Variants in GCNT4 observed in about 807,000 individuals in gnomAD.
GCNT4 encodes glucosaminyl (N-acetyl) transferase 4, also known as beta-1,3-galactosyl-O-glycosyl-glycoprotein beta-1,6-N-acetylglucosaminyltransferase 4.
Under a neutral mutation model 31.3 loss-of-function variants are expected in GCNT4, and 17 were observed. The ratio of observed to expected loss-of-function variants is 0.54; its 90% CI spans 0.37 to 0.81. GCNT4 has a LOEUF of 0.81. Among genes scored for constraint, GCNT4 ranks in the 40% least tolerant of loss-of-function variants. GCNT4 has a pLI of 0.00. For synonymous variants in GCNT4, 158 were observed against 190.6 expected, an observed-to-expected ratio of 0.83 and a Z score of 1.41; for missense variants, 503 against 525.5, an observed-to-expected ratio of 0.96 and a Z score of 0.42.
rs1266476372 is a variant in GCNT4 at position 75,031,225 on chromosome 5, C to G, written c.-1-1187G>C. On this transcript the variant is annotated intron_variant, in intron 3 of 3. Transcript: ENST00000652361. The stretch of plus-strand genomic sequence containing the variant: ...GAGTAGCTAGAACCACAGGTGTGTG[C>G]CACCATGCCCGGCTAATTTTTTCTT... Among the ~76,000 whole-genome samples, 5 of 152,188 alleles carry G rather than the reference C, an allele frequency of 3.3e-5. No homozygotes were observed. In the East Asian group the frequency reaches 9.7e-4, roughly 29 times the overall value.
downstream of GCNT4, among the ~76,000 whole-genome samples, chr5:75,022,266 C>T (rs1580232578): frequency 2.0e-5 from 3 of 152,252 alleles, no homozygotes; most frequent in South Asian, 4.2e-4. Flanking sequence ...CCTATAGTTA[C>T]AGAAATGCAT....
chr5:75,019,928 A>G, the GCNT4 span, among the ~76,000 whole-genome samples: 237 of 152,358 alleles, frequency 1.6e-3, no homozygotes, highest in Non-Finnish European at 2.6e-3. Flanking sequence ...GGTGAATACA[A>G]AGACACATAT....
At position 75,027,819 on chromosome 5, in the gene GCNT4, G is replaced by A. The variant is rs1742981659; in HGVS notation, c.*857C>T. On this transcript the variant is annotated 3_prime_UTR_variant, in exon 4 of 4. Transcript: ENST00000652361. ...CTAGAATGATAACTTATGAATTGAG[G>A]ACTTAGGCTTAATGTTCTGGTGTGT... The A allele has an allele frequency of 6.8e-6, 1 of 148,016 alleles. No homozygotes were observed. Among genetic ancestry groups the A allele is most frequent in the South Asian group, 2.1e-4 (1 of 4,728 alleles). 9.2% of individuals were successfully genotyped at this position (148,016 alleles called of 1,614,324 possible).
intron 1 of GCNT4, 24 bp downstream of exon 1, chr5:75,052,405 A>G (rs1317986898): frequency 6.6e-6 from 1 of 152,192 alleles, no homozygotes; most frequent in Non-Finnish European, 1.5e-5. Context: ...TTAAATTTAC[A>G]AAACACCCAC....
intron 2 of GCNT4, among the ~76,000 whole-genome samples, chr5:75,049,776 G>T (rs569528587): frequency 2.6e-5 from 4 of 152,294 alleles, no homozygotes; most frequent in African/African-American, 9.6e-5. Context: ...TAAGTAGAAG[G>T]TGCCTTGCCT....
chr5:75,020,266 T>C, the GCNT4 span, among the ~76,000 whole-genome samples: 21 of 152,196 alleles, frequency 1.4e-4, no homozygotes, highest in African/African-American at 1.9e-4. Context: ...GGGCTCAGTT[T>C]GGCATGGCAC....
Position 75,027,402 on chromosome 5 carries a change from T to A in GCNT4, c.*1274A>T, listed in dbSNP as rs9918155. 4.3e-4 allele frequency: 62 copies of A among 143,108 alleles called. No individual in the cohort carries two copies. Among genetic ancestry groups the A allele is most frequent in the African/African-American group, 1.6e-3 (61 of 39,298 alleles). 8.9% of individuals were successfully genotyped at this position (143,108 alleles called of 1,614,324 possible). ...TGTAATGGAATTGTTCTATATATAA[T>A]ATATAACATAAATATATATTACATA... On this transcript the variant is annotated 3_prime_UTR_variant, in exon 4 of 4. Transcript: ENST00000652361.
At position 75,029,453 on chromosome 5, in the gene GCNT4, C is replaced by G; in HGVS notation, c.585G>C (p.Val195=). ...NIFIASKLEA[V]EYAHISRLQA... Reference sequence around the variant, plus strand: ...GGAGTCTGGAAATGTGGGCATATTCCACAGCCTCTAATTTGGAAGCAATGA... The same window carrying G: ...GGAGTCTGGAAATGTGGGCATATTCGACAGCCTCTAATTTGGAAGCAATGA... Residue 195 remains valine (V), a synonymous_variant, in exon 4 of 4, where the codon GTG becomes GTC. Coordinates refer to ENST00000652361, the MANE Select transcript of GCNT4 (RefSeq NM_001366737.1). The G allele has an allele frequency of 6.2e-7, 1 of 1,614,056 alleles. No individual in the cohort carries two copies. The highest frequency in any genetic ancestry group is 8.5e-7 in the Non-Finnish European group (1 of 1,180,012).
Position 75,030,043 on chromosome 5 carries a change from A to G in GCNT4, c.-1-5T>C. 1.3e-6 allele frequency: 2 copies of G among 1,575,724 alleles called. No homozygotes were observed. The highest frequency in any genetic ancestry group is 2.4e-5 in the South Asian group (2 of 83,772). On this transcript the variant is annotated splice_region_variant and splice_polypyrimidine_tract_variant and intron_variant, in intron 3 of 3. Transcript: ENST00000652361. ...TAACATTTGAATATCTTCATTCTGT[A>G]AGAGGAGAAAGAAATAATCCAGTTG...
intron 2 of GCNT4, among the ~76,000 whole-genome samples, chr5:75,051,016 C>T (rs557419480): frequency 4.5e-4 from 69 of 152,378 alleles, no homozygotes; most frequent in African/African-American, 1.6e-3. Context: ...CATCACCTGG[C>T]AGTGGTATCT....
chr5:75,030,211 A>G (rs565622046), intron 3 of GCNT4, 173 bp from the exon 4 acceptor site: 318 of 632,696 alleles, frequency 5.0e-4, no homozygotes, highest in Admixed American at 9.4e-4. Flanking sequence ...AATTATGAAG[A>G]ATGGTGGTAT....
In GCNT4 at chr5:75,029,282, C is replaced by T; in HGVS notation, c.756G>A (p.Leu252=). 1 of 1,614,080 alleles carries T rather than the reference C, an allele frequency of 6.2e-7. No individual in the cohort carries two copies. The highest frequency in any genetic ancestry group is 8.5e-7 in the Non-Finnish European group (1 of 1,180,004). The change falls in exon 4 of 4, where the codon TTG becomes TTA. Residue 252 remains leucine (L), a synonymous_variant. Transcript: ENST00000652361. The part of the protein sequence containing the change: ...ELKKLNGANM[L]ETVKPPNSKL... ...TACTGTTTGGGGGTTTCACCGTCTC[C>T]AACATATTTGCTCCATTGAGTTTTT...
At chr5:75,036,119 T>C (rs1743192013) in intron 3 of GCNT4, among the ~76,000 whole-genome samples, 1 of 152,116 alleles carries the variant, frequency 6.6e-6, no homozygotes, top group Admixed American at 6.5e-5. Flanking sequence ...AGGATTTGCA[T>C]TCTGCAAATA....
chr5:75,048,954 C>A (rs1048445667), intron 2 of GCNT4, among the ~76,000 whole-genome samples: 1 of 152,128 alleles, frequency 6.6e-6, no homozygotes, highest in South Asian at 2.1e-4. Flanking sequence ...GGTTCCCAGG[C>A]GATGCTGATG....
rs374329850 is a variant in GCNT4, at chr5:75,029,770, T to C, written c.268A>G (p.Ile90Val). Residue 90 changes from isoleucine to valine, a missense_variant, in exon 4 of 4, where the codon ATA becomes GTA. By Grantham distance (29) the Ile-to-Val change is conservative. Coordinates refer to ENST00000652361, the MANE Select transcript of GCNT4 (RefSeq NM_001366737.1). ...AAGTCAATGATGTCCCTTCTTCTTA[T>C]TTCCAGACTCTTTCCAATTTCCAAA... ...EPLEIGKSLE[I>V]RRRDIIDLED... 9 of 1,614,188 alleles carry C rather than the reference T, an allele frequency of 5.6e-6. 1 individual carries two copies. The South Asian group carries it at 7.7e-5, about 14-fold the overall frequency.
At chr5:75,053,584 G>A (rs973222428), upstream of GCNT4, among the ~76,000 whole-genome samples, 4 of 152,090 alleles carry the variant, frequency 2.6e-5, no homozygotes, top group African/African-American at 7.2e-5. Context: ...GGGGGCCGAG[G>A]GTTGCGCTCT....
chr5:75,049,745 A>G (rs1173706621), intron 2 of GCNT4, among the ~76,000 whole-genome samples: 1 of 152,098 alleles, frequency 6.6e-6, no homozygotes, highest in Non-Finnish European at 1.5e-5. Context: ...AGCATCGAGC[A>G]CCTGACACTT....
At chr5:75,032,418 C>T (rs968415516) in intron 3 of GCNT4, among the ~76,000 whole-genome samples, 8 of 152,200 alleles carry the variant, frequency 5.3e-5, no homozygotes, top group South Asian at 2.1e-4. Context: ...ATCATCACCT[C>T]GCCTGCGTCT....
At position 75,028,316 on chromosome 5, in the gene GCNT4, C is replaced by T; in HGVS notation, c.*360G>A. On this transcript the variant is annotated 3_prime_UTR_variant, in exon 4 of 4. Transcript: ENST00000652361. Reference sequence around the variant, plus strand: ...CTTCAAAAGCTTCTTCAGTAGAATCCTGACTGTTATGTGGAGAACTTAAAG... The same window carrying T: ...CTTCAAAAGCTTCTTCAGTAGAATCTTGACTGTTATGTGGAGAACTTAAAG... 5.1e-6 allele frequency: 1 copy of T among 196,220 alleles called. No homozygotes were observed. Among genetic ancestry groups the T allele is most frequent in the Non-Finnish European group, 1.0e-5 (1 of 97,170 alleles). The allele number at this position is 196,220 out of a possible 1,614,324, so 12.2% of individuals were successfully genotyped here.
Sources: allele counts gnomAD v4.1 joint callset (sites outside exome capture counted in the v4.1 genomes callset), GRCh38; gene constraint gnomAD v4.1.1; transcripts MANE v1.5; gene names NCBI Gene and HGNC (gene_info 2026-07-23, HGNC 2026-07-21).